The following SEMA6C variants were observed in gnomAD, a reference collection of about 807,000 sequenced individuals.
SEMA6C encodes the protein semaphorin 6C.
SEMA6C carries 37 observed loss-of-function variants against 72.9 expected under a neutral mutation model. The ratio of observed to expected loss-of-function variants is 0.51; its 90% CI spans 0.39 to 0.67. The LOEUF is 0.67. SEMA6C is among the 30% of genes least tolerant of loss of function. The pLI is 0.00. For synonymous variants in SEMA6C, 578 were observed against 554.1 expected (o/e 1.04, Z -0.61); for missense variants, 1,189 against 1,263.6 (o/e 0.94, Z 0.89).
chr1:151,143,550 CCT>C (rs1682731956), intron 2 of SEMA6C, among the ~76,000 whole-genome samples: 1 of 152,100 alleles, frequency 6.6e-6, no homozygotes, highest in Non-Finnish European at 1.5e-5. Flanking sequence ...TAAACGTGCG[CCT>C]CTCTCCCTTC....
chr1:151,140,783 A>T (rs947781933), intron 3 of SEMA6C, among the ~76,000 whole-genome samples: 2 of 152,338 alleles, frequency 1.3e-5, no homozygotes, highest in East Asian at 3.9e-4. Flanking sequence ...TCACAAGGTC[A>T]GGAGATCGAG....
chr1:151,135,489 G>T, intron 14 of SEMA6C, 102 bp downstream of exon 14: 1 of 1,478,772 alleles, frequency 6.8e-7, no homozygotes, highest in Non-Finnish European at 9.2e-7. Flanking sequence ...CTCCCACCCT[G>T]CAAAAGCCAA....
At chr1:151,141,471 G>A (rs587597411) in intron 3 of SEMA6C, among the ~76,000 whole-genome samples, 40 of 152,128 alleles carry the variant, frequency 2.6e-4, no homozygotes, top group South Asian at 6.2e-4. Context: ...GTGAAATGGC[G>A]CGATCTCGGC....
At chr1:151,134,950 C>T (rs1681896328) in intron 15 of SEMA6C, 75 bp from the exon 16 acceptor site, 8 of 1,467,296 alleles carry the variant, frequency 5.5e-6, no homozygotes, top group African/African-American at 1.4e-5. Context: ...CCTTTTCCCA[C>T]CCTGGCTTAC....
rs1572028924 is a variant in SEMA6C, at chr1:151,136,139, C to T, written c.1131G>A (p.Gly377=). 1 of 1,613,922 alleles carries T rather than the reference C, an allele frequency of 6.2e-7. No individual in the cohort carries two copies. The highest frequency in any genetic ancestry group is 1.1e-5 in the South Asian group (1 of 91,062). ...GGGAAGAGGAGAACAAGGCAGCTCC[C>T]CCTACTCCTGCACAGGATCCTGGCC... ...SPRPGSCAGV[G]GAALFSSSRD... is the part of the protein sequence containing the mutation. Residue 377 remains glycine (G), a synonymous_variant, in exon 13 of 19, where the codon GGG becomes GGA. Coordinates refer to ENST00000368914, the MANE Select transcript of SEMA6C (RefSeq NM_030913.6).
intron 2 of SEMA6C, among the ~76,000 whole-genome samples, chr1:151,143,163 G>A (rs1682694799): frequency 6.6e-6 from 1 of 152,232 alleles, no homozygotes; most frequent in Non-Finnish European, 1.5e-5. Context: ...CCTAGGCGGG[G>A]GCAGCCGTGT....
chr1:151,140,992 C>T (rs921410479), intron 3 of SEMA6C, among the ~76,000 whole-genome samples: 3 of 88,676 alleles, frequency 3.4e-5, no homozygotes, highest in Non-Finnish European at 7.1e-5. Flanking sequence ...TGCAAGACTC[C>T]GTCTCGAAAA....
chr1:151,133,140 G>C lies in SEMA6C; in HGVS notation c.2137C>G (p.Arg713Gly), dbSNP rs200026035. ...CACTCCCAGGGGTCCCCGGCGGCGC[G>C]GAGGTGCTTGACCGGCAGCTCCGGC... is the stretch of plus-strand genomic sequence containing the variant. ...STPELPVKHLRAAGDPWEWNQ... is the reference protein window; with the variant it reads ...STPELPVKHLGAAGDPWEWNQ... Residue 713 changes from arginine to glycine, a missense_variant, in exon 19 of 19, where the codon CGC becomes GGC. Coordinates refer to ENST00000368914, the MANE Select transcript of SEMA6C (RefSeq NM_030913.6). This position sits in a 1 kb window ranked among gnomAD's most constrained non-coding sequence, Gnocchi z 5.9. 1 of 1,560,024 alleles carries C rather than the reference G, an allele frequency of 6.4e-7. No homozygotes were observed. The highest frequency in any genetic ancestry group is 1.2e-5 in the South Asian group (1 of 85,266).
chr1:151,142,304 C>T (rs1682621983), intron 3 of SEMA6C, among the ~76,000 whole-genome samples, 200 bp downstream of exon 3: 1 of 152,150 alleles, frequency 6.6e-6, no homozygotes, highest in Admixed American at 6.6e-5. Context: ...ACGATGCTGC[C>T]TCTAAGTGAA....
intron 4 of SEMA6C, 82 bp from the exon 5 acceptor site, chr1:151,139,783 T>G: frequency 7.1e-7 from 1 of 1,413,186 alleles, no homozygotes. Context: ...GGACAAACAG[T>G]GCAGACCTTC....
Position 151,132,443 on chromosome 1 carries a change from A to G in SEMA6C, c.*41T>C. ...GAGCGTCCAGCTCGTGGCCGAGAGGACTCGGGCGCTCCCCACGCTGGAGGC... is the reference window on the plus strand; with the variant it reads ...GAGCGTCCAGCTCGTGGCCGAGAGGGCTCGGGCGCTCCCCACGCTGGAGGC... On this transcript the variant is annotated 3_prime_UTR_variant, in exon 19 of 19. Transcript: ENST00000368914. 1 of 1,533,322 alleles carries G rather than the reference A, an allele frequency of 6.5e-7. No individual in the cohort carries two copies. Among genetic ancestry groups the G allele is most frequent in the Non-Finnish European group, 8.8e-7 (1 of 1,137,442 alleles). The allele number at this position is 1,533,322 out of a possible 1,614,324, so 95.0% of individuals were successfully genotyped here. A position where few individuals can be genotyped will look rare whatever the true frequency, so the allele number is the denominator to read the frequency against.
chr1:151,139,758 C>T (rs908390359), intron 4 of SEMA6C, 57 bp from the exon 5 acceptor site: 3 of 1,502,748 alleles, frequency 2.0e-6, no homozygotes, highest in Non-Finnish European at 2.7e-6. Context: ...ACTTTACCCA[C>T]AGTCAGCTGT....
chr1:151,135,095 T>A, intron 15 of SEMA6C, 68 bp downstream of exon 15: 1 of 1,584,774 alleles, frequency 6.3e-7, no homozygotes, highest in South Asian at 1.2e-5. Context: ...CCCAAAGACC[T>A]GTGTTTCTGT....
In SEMA6C at chr1:151,136,759, G is replaced by T. The variant is rs972689525; in HGVS notation, c.974+98C>A. 2.9e-6 allele frequency: 4 copies of T among 1,387,808 alleles called. No homozygotes were observed. The African/African-American group carries it at 4.3e-5, about 15-fold the overall frequency. 86.0% of individuals were successfully genotyped at this position (1,387,808 alleles called of 1,614,324 possible). A position where few individuals can be genotyped will look rare whatever the true frequency, so the allele number is the denominator to read the frequency against. On this transcript the variant is annotated intron_variant, in intron 11 of 18. Transcript: ENST00000368914. ...CACAGCAAACTGGCTTTGTTCGGAG[G>T]TTCCCTTAACTGCCCCATCAGTAGG...
chr1:151,139,460 C>T lies in SEMA6C; in HGVS notation c.319G>A (p.Asp107Asn). ...PNKYLTWRSQ[D>N]VENCAVRGKL... ...CCCCGTACAGCACAGTTCTCCACATCTTGGCTTCTCCATGTTAGATACTGA... is the reference window on the plus strand; with the variant it reads ...CCCCGTACAGCACAGTTCTCCACATTTTGGCTTCTCCATGTTAGATACTGA... Residue 107 changes from aspartate (D) to asparagine (N), a missense_variant, in exon 6 of 19, where the codon GAT becomes AAT. Asp to Asn is a conservative substitution (Grantham distance 23). This residue lies in a region of SEMA6C where 468 missense variants were observed against 577.4 expected (regional missense o/e 0.81). Coordinates refer to ENST00000368914, the MANE Select transcript of SEMA6C (RefSeq NM_030913.6). The T allele has an allele frequency of 1.2e-6, 2 of 1,614,186 alleles. No individual in the cohort carries two copies. The highest frequency in any genetic ancestry group is 1.7e-6 in the Non-Finnish European group (2 of 1,179,998).
Position 151,139,406 on chromosome 1 carries a change from T to G in SEMA6C, c.354+19A>C, listed in dbSNP as rs1409405376. 6.2e-7 allele frequency: 1 copy of G among 1,608,776 alleles called. No homozygotes were observed. The highest frequency in any genetic ancestry group is 8.5e-7 in the Non-Finnish European group (1 of 1,175,048). On this transcript the variant is annotated intron_variant, in intron 6 of 18. Coordinates refer to ENST00000368914, the MANE Select transcript of SEMA6C (RefSeq NM_030913.6). The stretch of plus-strand genomic sequence containing the variant: ...GAGTAATCCTCTCCTTCCCTCCACA[T>G]TCTCGTCTCACTCCTTACCGTCAGC...
intron 3 of SEMA6C, among the ~76,000 whole-genome samples, chr1:151,140,622 C>T (rs587666969): frequency 1.3e-5 from 2 of 152,344 alleles, no homozygotes; most frequent in South Asian, 2.1e-4. Flanking sequence ...CCAGCATCCA[C>T]CTGGCCTGAT....
chr1:151,135,069 T>G (rs1681906023), intron 15 of SEMA6C, 94 bp downstream of exon 15: 2 of 1,545,256 alleles, frequency 1.3e-6, no homozygotes, highest in African/African-American at 1.4e-5. Context: ...AGCCATCCCC[T>G]GTGTTTTCCT....
Position 151,133,832 on chromosome 1 carries a change from A to G in SEMA6C, c.1760-315T>C, listed in dbSNP as rs769953262. The G allele has an allele frequency of 1.0e-5, 10 of 960,740 alleles. No homozygotes were observed. In the Admixed American group the frequency reaches 1.3e-4, roughly 13 times the overall value. The allele number at this position is 960,740 out of a possible 1,614,324, so 59.5% of individuals were successfully genotyped here. A position where few individuals can be genotyped will look rare whatever the true frequency, so the allele number is the denominator to read the frequency against. ...GGAGAACTCGGGGCTGGGATGCCCAATTCTGGGGAAGGGAGGCTCCAAACA... is the reference window on the plus strand; with the variant it reads ...GGAGAACTCGGGGCTGGGATGCCCAGTTCTGGGGAAGGGAGGCTCCAAACA... On this transcript the variant is annotated intron_variant, in intron 18 of 18. Transcript: ENST00000368914. The surrounding 1 kb of genome is among the most constrained non-coding windows in gnomAD (Gnocchi z 5.9).
Sources: allele counts gnomAD v4.1 joint callset (sites outside exome capture counted in the v4.1 genomes callset), GRCh38; gene constraint gnomAD v4.1.1; regional missense constraint gnomAD v4.1.1; non-coding constraint Gnocchi (gnomAD v3.1); transcripts MANE v1.5; gene names NCBI Gene and HGNC (gene_info 2026-07-23, HGNC 2026-07-21).